The following MAPK8 variants were observed in gnomAD, a reference collection of about 807,000 sequenced individuals.
MAPK8 encodes JUN N-terminal kinase.
In MAPK8, 13 loss-of-function variants were observed where a neutral mutation model predicts 52.9. The ratio of observed to expected loss-of-function variants is 0.25; its 90% CI spans 0.16 to 0.39. The LOEUF is 0.39. MAPK8 is among the 10% of genes least tolerant of loss of function. The pLI, the probability that MAPK8 is intolerant of heterozygous loss-of-function variation, is 1.00. For missense variants in MAPK8, 300 were observed against 519.2 expected (o/e 0.58, Z 4.10); for synonymous variants, 191 against 169.8 (o/e 1.12, Z -0.97).
chr10:48,379,385 A>G (rs1008426991), intron 1 of MAPK8, among the ~76,000 whole-genome samples: 1 of 152,216 alleles, frequency 6.6e-6, no homozygotes, highest in East Asian at 1.9e-4. Context: ...TGTTCCAGTT[A>G]AACCTTGGTA....
chr10:48,402,903 C>A (rs768579319), intron 2 of MAPK8, among the ~76,000 whole-genome samples: 8 of 152,060 alleles, frequency 5.3e-5, no homozygotes, highest in Non-Finnish European at 8.8e-5. Context: ...ACATTTTAAA[C>A]GAACTGGAGC....
At chr10:48,385,422 C>T (rs1470797936) in intron 1 of MAPK8, among the ~76,000 whole-genome samples, 1 of 152,124 alleles carries the variant, frequency 6.6e-6, no homozygotes, top group Non-Finnish European at 1.5e-5. Context: ...GTTTAAATTG[C>T]CTTCAAATGG....
chr10:48,417,435 T>A (rs1172540631), intron 5 of MAPK8, among the ~76,000 whole-genome samples: 1 of 152,198 alleles, frequency 6.6e-6, no homozygotes, highest in African/African-American at 2.4e-5. Flanking sequence ...ATAATTATTA[T>A]GTGAAAATGA....
chr10:48,352,052 A>C (rs926869072), intron 1 of MAPK8, among the ~76,000 whole-genome samples: 6 of 152,220 alleles, frequency 3.9e-5, no homozygotes, highest in African/African-American at 1.4e-4. Flanking sequence ...ACTTTGATGA[A>C]ATAAACTAAG....
chr10:48,377,071 A>G lies in MAPK8; in HGVS notation c.-49-24541A>G, dbSNP rs555134540. 3.5e-4 allele frequency among the ~76,000 whole-genome samples: 54 copies of G among 152,294 alleles called. No homozygotes were observed. In the South Asian group the frequency reaches 0.011, roughly 31 times the overall value. On this transcript the variant is annotated intron_variant, in intron 1 of 11. Coordinates refer to ENST00000374189, the MANE Select transcript of MAPK8 (RefSeq NM_001323329.2). ...ATGAGTTCATGTCCTTTGCAGGGAC[A>G]TGGGTGAAGCTGGAAACCATGATTC...
intron 1 of MAPK8, among the ~76,000 whole-genome samples, chr10:48,359,089 C>T (rs571342528): frequency 6.6e-6 from 1 of 152,004 alleles, no homozygotes; most frequent in Non-Finnish European, 1.5e-5. Flanking sequence ...TTTGCTGATT[C>T]TTCTTCTGTT....
chr10:48,365,450 A>G (rs1847945888), intron 1 of MAPK8, among the ~76,000 whole-genome samples: 1 of 152,150 alleles, frequency 6.6e-6, no homozygotes, highest in South Asian at 2.1e-4. Context: ...TGTATCCTCC[A>G]TATCACCTTA....
rs2044876420 is a variant in MAPK8 at position 48,436,713 on chromosome 10, A to G, written c.*1684A>G. ...TTAATGTGCAATATTTAAGATTAAA[A>G]TACATTAGCTTTTTTATATACTTTG... On this transcript the variant is annotated 3_prime_UTR_variant, in exon 12 of 12. Coordinates refer to ENST00000374189, the MANE Select transcript of MAPK8 (RefSeq NM_001323329.2). The G allele has an allele frequency of 6.6e-6, 1 of 152,218 alleles. No individual in the cohort carries two copies. Among genetic ancestry groups the G allele is most frequent in the African/African-American group, 2.4e-5 (1 of 41,448 alleles). 9.4% of individuals were successfully genotyped at this position (152,218 alleles called of 1,614,324 possible). A position where few individuals can be genotyped will look rare whatever the true frequency, so the allele number is the denominator to read the frequency against.
chr10:48,404,346 C>G (rs894793307), intron 2 of MAPK8, among the ~76,000 whole-genome samples: 1 of 151,438 alleles, frequency 6.6e-6, no homozygotes, highest in Non-Finnish European at 1.5e-5. Context: ...TTAGTAGAGG[C>G]GGAGTTTCAC....
chr10:48,327,241 C>A (rs1396271499), intron 1 of MAPK8, among the ~76,000 whole-genome samples: 1 of 151,756 alleles, frequency 6.6e-6, no homozygotes, highest in African/African-American at 2.4e-5. Context: ...TTTAAAAAAT[C>A]AAATTGAGGA....
intron 5 of MAPK8, among the ~76,000 whole-genome samples, chr10:48,417,579 C>T (rs1438895741): frequency 6.6e-6 from 1 of 152,140 alleles, no homozygotes; most frequent in Non-Finnish European, 1.5e-5. Context: ...CAGGTTTCAG[C>T]ATCTAAACTG....
intron 1 of MAPK8, among the ~76,000 whole-genome samples, chr10:48,385,065 T>C (rs927716476): frequency 6.6e-6 from 1 of 152,150 alleles, no homozygotes; most frequent in African/African-American, 2.4e-5. Context: ...AGAAATAACA[T>C]TGGTTATTTA....
At position 48,405,777 on chromosome 10, in the gene MAPK8, A is replaced by G. The variant is rs1004078432; in HGVS notation, c.252+796A>G. Among the ~76,000 whole-genome samples the G allele has an allele frequency of 2.0e-5, 3 of 152,346 alleles. No homozygotes were observed. In the South Asian group the frequency reaches 6.2e-4, roughly 32 times the overall value. On this transcript the variant is annotated intron_variant, in intron 3 of 11. Coordinates refer to ENST00000374189, the MANE Select transcript of MAPK8 (RefSeq NM_001323329.2). ...TCGTAGTGTTTGTCCAAAAGAGTTTATATAATATAATGAGCACAGTACCTT... is the reference window on the plus strand; with the variant it reads ...TCGTAGTGTTTGTCCAAAAGAGTTTGTATAATATAATGAGCACAGTACCTT...
chr10:48,401,431 A>G (rs1189825553), intron 1 of MAPK8, among the ~76,000 whole-genome samples, 181 bp from the exon 2 acceptor site: 1 of 152,144 alleles, frequency 6.6e-6, no homozygotes, highest in Non-Finnish European at 1.5e-5. Flanking sequence ...ACTATCAGTC[A>G]TTCATATGGC....
At chr10:48,340,405 GGGGTA>G (rs1333789466) in intron 1 of MAPK8, among the ~76,000 whole-genome samples, 1 of 152,114 alleles carries the variant, frequency 6.6e-6, no homozygotes, top group African/African-American at 2.4e-5. Context: ...GGAGGCTGAG[GGGGTA>G]GGGTTGAAAA....
At chr10:48,368,369 T>A (rs1468718403) in intron 1 of MAPK8, among the ~76,000 whole-genome samples, 1 of 152,308 alleles carries the variant, frequency 6.6e-6, no homozygotes. Flanking sequence ...GATGAGTAGG[T>A]CTTGACCAGG....
chr10:48,324,503 G>GTTTTTTT lies in MAPK8; in HGVS notation c.-50+17693_-50+17699dup, dbSNP rs370766776. Among the ~76,000 whole-genome samples, 9 of 118,012 alleles carry GTTTTTTT rather than the reference G, an allele frequency of 7.6e-5. 1 individual carries two copies. The highest frequency in any genetic ancestry group is 3.2e-4 in the African/African-American group (9 of 28,114). The allele number at this position is 118,012 out of a possible 152,430, so 77.4% of individuals were successfully genotyped here. A position where few individuals can be genotyped will look rare whatever the true frequency, so the allele number is the denominator to read the frequency against. On this transcript the variant is annotated intron_variant, in intron 1 of 11. Transcript: ENST00000374189. ...TATACAACAGTTGTCCTGTTTTCTA[G>GTTTTTTT]TTTTTTTTTTTTTTTTTACACTCAT...
intron 1 of MAPK8, among the ~76,000 whole-genome samples, chr10:48,328,822 AT>A (rs1213826600): frequency 6.6e-6 from 1 of 152,232 alleles, no homozygotes; most frequent in African/African-American, 2.4e-5. Flanking sequence ...TCTGAAAGTA[AT>A]TTATACTTTG....
intron 1 of MAPK8, among the ~76,000 whole-genome samples, chr10:48,353,152 TATAA>T (rs1445018474): frequency 2.0e-5 from 3 of 152,218 alleles, no homozygotes; most frequent in African/African-American, 7.2e-5. Flanking sequence ...CTCAGCATGT[TATAA>T]ATGACTATTT....
Sources: allele counts gnomAD v4.1 joint callset (sites outside exome capture counted in the v4.1 genomes callset), GRCh38; gene constraint gnomAD v4.1.1; transcripts MANE v1.5; gene names NCBI Gene and HGNC (gene_info 2026-07-23, HGNC 2026-07-21).